Variants in FAM76B observed in about 807,000 individuals in gnomAD.
FAM76B encodes protein FAM76B.
Under a neutral mutation model 51.8 loss-of-function variants are expected in FAM76B, and 16 were observed. The ratio of observed to expected loss-of-function variants is 0.31; its 90% CI spans 0.21 to 0.47. FAM76B has a LOEUF of 0.47. Among genes scored for constraint, FAM76B ranks in the 20% least tolerant of loss-of-function variants. The pLI is 1.00. For missense variants in FAM76B, 342 were observed against 392.6 expected, an observed-to-expected ratio of 0.87 and a Z score of 1.09; for synonymous variants, 166 against 129.5, an observed-to-expected ratio of 1.28 and a Z score of -1.91.
intron 9 of FAM76B, among the ~76,000 whole-genome samples, chr11:95,775,524 C>T (rs1441887060): frequency 1.3e-5 from 2 of 151,492 alleles, no homozygotes; most frequent in Admixed American, 6.6e-5. Context: ...TTTATACACC[C>T]ATCTCCTTTC....
rs182486734 is a variant in FAM76B at position 95,784,074 on chromosome 11, T to C, written c.364-810A>G. ...GTTAGTAGACTGGATAAAGAAAACA[T>C]GGTACGTATATACCATGGAATACTA... On this transcript the variant is annotated intron_variant, in intron 4 of 9. Transcript: ENST00000358780. Among the ~76,000 whole-genome samples the C allele has an allele frequency of 1.4e-3, 218 of 152,298 alleles. 2 individuals carry two copies. Among genetic ancestry groups the C allele is most frequent in the African/African-American group, 4.9e-3 (203 of 41,552 alleles).
Position 95,769,030 on chromosome 11 carries a change from T to C in FAM76B, c.*2531A>G, listed in dbSNP as rs536116496. On this transcript the variant is annotated 3_prime_UTR_variant, in exon 10 of 10. Coordinates refer to ENST00000358780, the MANE Select transcript of FAM76B (RefSeq NM_144664.5). The stretch of plus-strand genomic sequence containing the variant: ...ATGTCAACAGTCAGATGTGTACAAG[T>C]ACAGTATTTCAATAGTCTATACATG... 1 of 152,546 alleles carries C rather than the reference T, an allele frequency of 6.6e-6. No individual in the cohort carries two copies. The highest frequency in any genetic ancestry group is 2.1e-4 in the South Asian group (1 of 4,828). The allele number at this position is 152,546 out of a possible 1,614,324, so 9.4% of individuals were successfully genotyped here.
intron 1 of FAM76B, chr11:95,789,027 C>G: frequency 7.3e-7 from 1 of 1,375,760 alleles, no homozygotes; most frequent in Non-Finnish European, 9.6e-7. Flanking sequence ...CCCCTGCCTC[C>G]TGGTGGAAGA....
chr11:95,777,997 T>A (rs1338578697), intron 8 of FAM76B, among the ~76,000 whole-genome samples: 4 of 151,478 alleles, frequency 2.6e-5, no homozygotes. Flanking sequence ...ATAAATACTT[T>A]GCATTTTCAT....
intron 5 of FAM76B, among the ~76,000 whole-genome samples, chr11:95,782,079 A>G (rs1424731055): frequency 4.6e-5 from 7 of 152,184 alleles, no homozygotes; most frequent in Admixed American, 2.6e-4. Context: ...TGGGCATGCC[A>G]TATGTCCGTT....
chr11:95,780,384 T>C (rs942758421), intron 5 of FAM76B, among the ~76,000 whole-genome samples: 7 of 152,074 alleles, frequency 4.6e-5, no homozygotes, highest in South Asian at 2.1e-4. Flanking sequence ...GGGAAATATA[T>C]TGATTTCTTT....
intron 8 of FAM76B, among the ~76,000 whole-genome samples, chr11:95,777,007 A>G (rs1860041458): frequency 1.3e-5 from 2 of 151,274 alleles, no homozygotes; most frequent in South Asian, 4.1e-4. Flanking sequence ...TAATCACAAA[A>G]GATTTTCTGT....
At chr11:95,787,053 A>C (rs1416488930) in intron 3 of FAM76B, among the ~76,000 whole-genome samples, 1 of 152,226 alleles carries the variant, frequency 6.6e-6, no homozygotes, top group African/African-American at 2.4e-5. Context: ...AGTTCTCCAT[A>C]ACCAAGAATT....
intron 6 of FAM76B, 26 bp from the exon 7 acceptor site, chr11:95,779,713 G>C (rs1860170738): frequency 2.0e-5 from 32 of 1,599,544 alleles, no homozygotes; most frequent in Non-Finnish European, 2.7e-5. Flanking sequence ...AATAAGAATA[G>C]TTAGAGTAAA....
At chr11:95,780,885 CAT>C (rs961941107) in intron 5 of FAM76B, among the ~76,000 whole-genome samples, 3 of 151,786 alleles carry the variant, frequency 2.0e-5, no homozygotes, top group Non-Finnish European at 2.9e-5. Flanking sequence ...TATATATATA[CAT>C]GTTTACTTGT....
At position 95,778,909 on chromosome 11, in the gene FAM76B, G is replaced by T. The variant is rs1380135880; in HGVS notation, c.741C>A (p.Val247=). The part of the protein sequence containing the change: ...SADSGGTDNF[V]LISQLKEEVM... ...CTTCTTCTTTCAATTGACTTATAAG[G>T]ACAAAATTGTCTGTTCCCCCACTAT... Residue 247 remains valine (V), a synonymous_variant, in exon 8 of 10, where the codon GTC becomes GTA. Coordinates refer to ENST00000358780, the MANE Select transcript of FAM76B (RefSeq NM_144664.5). 1 of 1,610,732 alleles carries T rather than the reference G, an allele frequency of 6.2e-7. No individual in the cohort carries two copies. Among genetic ancestry groups the T allele is most frequent in the Non-Finnish European group, 8.5e-7 (1 of 1,178,002 alleles).
chr11:95,787,782 A>C (rs1860682204), intron 2 of FAM76B, 104 bp from the exon 3 acceptor site: 1 of 934,102 alleles, frequency 1.1e-6, no homozygotes. Flanking sequence ...TTAAAACTTT[A>C]ATAAGGACCA....
At chr11:95,788,862 T>C (rs1182881530) in intron 1 of FAM76B, 3 of 1,385,912 alleles carry the variant, frequency 2.2e-6, no homozygotes, top group East Asian at 3.8e-5. Flanking sequence ...TTTGCACCGT[T>C]GCTCACAGAC....
At position 95,771,315 on chromosome 11, in the gene FAM76B, A is replaced by G. The variant is rs189354757; in HGVS notation, c.*246T>C. On this transcript the variant is annotated 3_prime_UTR_variant, in exon 10 of 10. Transcript: ENST00000358780. ...ATGCACTCCTTTACAACTGTTTAAT[A>G]CTATTGCTGGCAAAAAAGTTCCTGG... 6 of 369,460 alleles carry G rather than the reference A, an allele frequency of 1.6e-5. No homozygotes were observed. The Admixed American group carries it at 2.5e-4, about 15-fold the overall frequency. The allele number at this position is 369,460 out of a possible 1,614,324, so 22.9% of individuals were successfully genotyped here. A position where few individuals can be genotyped will look rare whatever the true frequency, so the allele number is the denominator to read the frequency against.
chr11:95,775,936 C>A lies in FAM76B; in HGVS notation c.916G>T (p.Val306Leu). The A allele has an allele frequency of 6.3e-7, 1 of 1,581,128 alleles. No homozygotes were observed. Among genetic ancestry groups the A allele is most frequent in the Non-Finnish European group, 8.6e-7 (1 of 1,164,782 alleles). The change falls in exon 9 of 10, where the codon GTG becomes TTG. Residue 306 changes from valine to leucine, a missense_variant. Around this residue, in one of 3 missense-constraint regions of FAM76B, gnomAD observed 230 missense variants for 257.4 expected, o/e 0.89. Coordinates refer to ENST00000358780, the MANE Select transcript of FAM76B (RefSeq NM_144664.5). Reference protein sequence around the residue: ...NSMEKAHKETVEQLQAKNREL... With the variant: ...NSMEKAHKETLEQLQAKNREL... ...ATGGTAGTTACCTGAAGTTGTTCCA[C>A]AGTTTCTTTGTGGGCTTTTTCCATA...
chr11:95,775,345 T>C (rs933652422), intron 9 of FAM76B, among the ~76,000 whole-genome samples: 1 of 151,484 alleles, frequency 6.6e-6, no homozygotes, highest in African/African-American at 2.4e-5. Flanking sequence ...CATTCAGTTG[T>C]TCTGTATACT....
At chr11:95,784,546 A>C (rs1860449614) in intron 4 of FAM76B, among the ~76,000 whole-genome samples, 1 of 151,406 alleles carries the variant, frequency 6.6e-6, no homozygotes, top group Non-Finnish European at 1.5e-5. Context: ...CAATTAAATT[A>C]ATCGACAGTG....
chr11:95,771,700 A>C, intron 9 of FAM76B, 50 bp from the exon 10 acceptor site: 1 of 1,427,634 alleles, frequency 7.0e-7, no homozygotes, highest in Non-Finnish European at 9.8e-7. Flanking sequence ...AATATTATTA[A>C]GTCATGCTGA....
Position 95,778,886 on chromosome 11 carries a change from T to A in FAM76B, c.764A>T (p.Glu255Val). ...NFVLISQLKE[E>V]VMSLKRLLQQ... ...TAAGAGACGCTTAAGTGACATCACT[T>A]CTTCTTTCAATTGACTTATAAGGAC... The change falls in exon 8 of 10, where the codon GAA (glutamate) becomes GTA (valine). Residue 255 changes from glutamate (E) to valine (V), a missense_variant. Glu to Val is a moderately radical substitution (Grantham distance 121). Coordinates refer to ENST00000358780, the MANE Select transcript of FAM76B (RefSeq NM_144664.5). 1 of 1,611,082 alleles carries A rather than the reference T, an allele frequency of 6.2e-7. No homozygotes were observed. The highest frequency in any genetic ancestry group is 8.5e-7 in the Non-Finnish European group (1 of 1,178,094).
Sources: gnomAD v4.1 joint callset for allele counts (sites outside exome capture counted in the v4.1 genomes callset) on GRCh38, gnomAD v4.1.1 for gene constraint, gnomAD v4.1.1 regional missense constraint, MANE v1.5 for transcripts, NCBI Gene and HGNC (gene_info 2026-07-23, HGNC 2026-07-21) for gene names.